The following CPNE4 variants were observed in gnomAD, a reference collection of about 807,000 sequenced individuals.
CPNE4 encodes copine 4.
Under a neutral mutation model 67.9 loss-of-function variants are expected in CPNE4, and 25 were observed. The observed-to-expected ratio is 0.37, with a 90% CI of 0.27 to 0.51. The LOEUF (loss-of-function observed/expected upper bound fraction) is 0.51, where lower values mean the gene tolerates loss of function less well. Ranked by LOEUF, CPNE4 falls within the 20% of genes least tolerant of loss-of-function variation. CPNE4 has a pLI of 0.93. For missense variants in CPNE4, 464 were observed against 690.8 expected (o/e 0.67, Z 3.68); for synonymous variants, 242 against 244.9 (o/e 0.99, Z 0.11).
At chr3:131,951,950 A>G (rs1246631215) in intron 1 of CPNE4, among the ~76,000 whole-genome samples, 2 of 151,996 alleles carry the variant, frequency 1.3e-5, no homozygotes, top group Admixed American at 6.5e-5. Flanking sequence ...TGGCCTCCCA[A>G]AGTGCCAAGA....
chr3:131,698,694 A>G (rs764763395), intron 4 of CPNE4, among the ~76,000 whole-genome samples: 2 of 151,726 alleles, frequency 1.3e-5, no homozygotes, highest in African/African-American at 4.8e-5. Context: ...GGCGGATCAC[A>G]AGGTAAGGAG....
At chr3:132,037,704 C>T (rs535157033), upstream of CPNE4, 109 of 1,053,702 alleles carry the variant, frequency 1.0e-4, no homozygotes, top group African/African-American at 3.0e-4. Flanking sequence ...ATTCACTCGC[C>T]GGGTTTCTGT....
At chr3:131,685,603 G>A (rs530790835) in intron 6 of CPNE4, among the ~76,000 whole-genome samples, 4 of 152,218 alleles carry the variant, frequency 2.6e-5, no homozygotes, top group African/African-American at 9.6e-5. Flanking sequence ...CCAAGATGGT[G>A]AAACCCCATC....
chr3:131,732,520 G>A (rs2082150746), intron 2 of CPNE4, among the ~76,000 whole-genome samples: 1 of 152,152 alleles, frequency 6.6e-6, no homozygotes, highest in Admixed American at 6.5e-5. Flanking sequence ...AACCCATGGT[G>A]TACCCTCTGT....
chr3:131,778,699 C>T (rs913728833), intron 2 of CPNE4, among the ~76,000 whole-genome samples: 4 of 152,082 alleles, frequency 2.6e-5, no homozygotes, highest in Admixed American at 2.0e-4. Context: ...AGGGTAGAAA[C>T]TCTTTCCTTC....
At chr3:131,876,114 C>G (rs1449329470) in intron 2 of CPNE4, among the ~76,000 whole-genome samples, 1 of 152,100 alleles carries the variant, frequency 6.6e-6, no homozygotes, top group Non-Finnish European at 1.5e-5. Flanking sequence ...TGGCACACGC[C>G]TGTAGTCCCA....
intron 11 of CPNE4, among the ~76,000 whole-genome samples, chr3:131,560,578 T>G (rs1936708017): frequency 6.6e-6 from 1 of 151,932 alleles, no homozygotes; most frequent in Admixed American, 6.6e-5. Context: ...GGGCAACACT[T>G]CCCCGGCCAT....
At chr3:131,847,621 T>C (rs1270901240) in intron 2 of CPNE4, among the ~76,000 whole-genome samples, 9 of 152,206 alleles carry the variant, frequency 5.9e-5, no homozygotes, top group Non-Finnish European at 1.2e-4. Flanking sequence ...GATATACCAA[T>C]AAAACGTAAC....
intron 1 of CPNE4, among the ~76,000 whole-genome samples, chr3:131,950,454 A>C (rs2071689125): frequency 6.6e-6 from 1 of 152,312 alleles, no homozygotes; most frequent in Non-Finnish European, 1.5e-5. Context: ...TCAAACACAG[A>C]TAGGAAGCTT....
chr3:131,842,085 T>C (rs1408038236), intron 2 of CPNE4, among the ~76,000 whole-genome samples: 2 of 152,110 alleles, frequency 1.3e-5, no homozygotes, highest in Non-Finnish European at 1.5e-5. Context: ...GCCTGGGCCT[T>C]AGAGTGCCTG....
In CPNE4 at chr3:131,700,054, C is replaced by CTTTTTTTTTTTT. The variant is rs3035263; in HGVS notation, c.361-86_361-75dup. 1.8e-3 allele frequency: 463 copies of CTTTTTTTTTTTT among 254,640 alleles called. 3 individuals are homozygous for CTTTTTTTTTTTT. Among genetic ancestry groups the CTTTTTTTTTTTT allele is most frequent in the South Asian group, 2.7e-3 (67 of 24,894 alleles). The allele number at this position is 254,640 out of a possible 1,614,324, so 15.8% of individuals were successfully genotyped here. The stretch of plus-strand genomic sequence containing the variant: ...TTAACTGTAGATCTATTTTTTAAAC[C>CTTTTTTTTTTTT]TTTTTTTTTTTTTTTTTTTTTTTAC... On this transcript the variant is annotated intron_variant, in intron 3 of 15. Transcript: ENST00000429747.
chr3:131,863,244 A>G (rs2086771676), intron 2 of CPNE4, among the ~76,000 whole-genome samples: 1 of 152,206 alleles, frequency 6.6e-6, no homozygotes, highest in Non-Finnish European at 1.5e-5. Flanking sequence ...TGGCTGGGTC[A>G]AATGGTATTT....
At chr3:131,693,410 A>AT (rs2081075913) in intron 5 of CPNE4, among the ~76,000 whole-genome samples, 1 of 152,206 alleles carries the variant, frequency 6.6e-6, no homozygotes, top group African/African-American at 2.4e-5. Flanking sequence ...CAAAAATAGT[A>AT]TTTTAATGGA....
At chr3:131,962,065 C>T (rs548481835) in intron 1 of CPNE4, among the ~76,000 whole-genome samples, 1 of 152,286 alleles carries the variant, frequency 6.6e-6, no homozygotes, top group East Asian at 1.9e-4. Context: ...TTGAAATGCT[C>T]AGAATTCCAT....
At chr3:131,895,030 T>C (rs1180122547) in intron 2 of CPNE4, among the ~76,000 whole-genome samples, 3 of 152,028 alleles carry the variant, frequency 2.0e-5, no homozygotes, top group Non-Finnish European at 4.4e-5. Context: ...TATCTAGCCA[T>C]AGAAAGGAGT....
intron 1 of CPNE4, among the ~76,000 whole-genome samples, chr3:132,012,023 C>G (rs1313216584): frequency 2.6e-5 from 4 of 152,104 alleles, no homozygotes; most frequent in Admixed American, 1.3e-4. Context: ...TATAAAGGGA[C>G]AGATAGTACA....
intron 7 of CPNE4, among the ~76,000 whole-genome samples, chr3:131,615,036 A>G (rs182511559): frequency 2.0e-5 from 3 of 152,254 alleles, no homozygotes; most frequent in Admixed American, 2.0e-4. Context: ...GGGCTTGTTA[A>G]AACACAGATT....
chr3:131,588,229 G>T (rs1026539089), intron 7 of CPNE4, among the ~76,000 whole-genome samples: 1 of 152,144 alleles, frequency 6.6e-6, no homozygotes, highest in African/African-American at 2.4e-5. Flanking sequence ...CACACAAGAT[G>T]CAACCATTCA....
chr3:131,792,713 A>G lies in CPNE4; in HGVS notation c.181-69088T>C, dbSNP rs545619486. ...TATATATACATATACACACACGTGTATATATGTATATATATACACGTGTGT... is the reference window on the plus strand; with the variant it reads ...TATATATACATATACACACACGTGTGTATATGTATATATATACACGTGTGT... On this transcript the variant is annotated intron_variant, in intron 2 of 15. Transcript: ENST00000429747. Among the ~76,000 whole-genome samples, 75 of 109,382 alleles carry G rather than the reference A, an allele frequency of 6.9e-4. 2 individuals are homozygous for G. The highest frequency in any genetic ancestry group is 6.8e-3 in the South Asian group (24 of 3,508). The allele number at this position is 109,382 out of a possible 152,430, so 71.8% of individuals were successfully genotyped here. A position where few individuals can be genotyped will look rare whatever the true frequency, so the allele number is the denominator to read the frequency against.
Sources: allele counts gnomAD v4.1 joint callset (sites outside exome capture counted in the v4.1 genomes callset), GRCh38; gene constraint gnomAD v4.1.1; transcripts MANE v1.5; gene names NCBI Gene and HGNC (gene_info 2026-07-23, HGNC 2026-07-21).